The following PRSS23 variants were observed in gnomAD, a reference collection of about 807,000 sequenced individuals.
PRSS23 encodes serine protease 23, also known as protease, serine 23.
PRSS23 carries 25 observed loss-of-function variants against 34.7 expected under a neutral mutation model. That is an observed-to-expected ratio of 0.72 (90% CI 0.53 to 1.01). PRSS23 has a LOEUF of 1.01. PRSS23 is among the 50% of genes least tolerant of loss of function. PRSS23 has a pLI of 0.00. For synonymous variants in PRSS23, 176 were observed against 186.6 expected, an observed-to-expected ratio of 0.94 and a Z score of 0.46; for missense variants, 445 against 475.6, an observed-to-expected ratio of 0.94 and a Z score of 0.60.
chr11:86,832,357 G>T (rs905479830), intron 2 of PRSS23, among the ~76,000 whole-genome samples: 1 of 152,012 alleles, frequency 6.6e-6, no homozygotes, highest in East Asian at 1.9e-4. Flanking sequence ...ATCACAGTGG[G>T]TGTACTCCAT....
chr11:86,859,843 A>G (rs1948600508), intron 2 of PRSS23, among the ~76,000 whole-genome samples: 2 of 151,560 alleles, frequency 1.3e-5, no homozygotes, highest in South Asian at 4.2e-4. Flanking sequence ...TGGGGTGGAC[A>G]CCTCCAGTGT....
At chr11:86,884,489 G>A (rs556297403) in intron 2 of PRSS23, among the ~76,000 whole-genome samples, 4 of 152,016 alleles carry the variant, frequency 2.6e-5, no homozygotes, top group Admixed American at 6.6e-5. Flanking sequence ...TAGTAGAGAC[G>A]GGGTTTCTCC....
At position 86,916,364 on chromosome 11, in the gene PRSS23, T is replaced by C. The variant is rs540267589; in HGVS notation, c.207-34852T>C. ...GTTTTCATGTCACTGGTGTTACCCT[T>C]ATCAGTGTATTGTTCTTATTTGCTG... On this transcript the variant is annotated intron_variant, in intron 2 of 2. Coordinates refer to the PRSS23 transcript ENST00000533902. 3.5e-4 allele frequency among the ~76,000 whole-genome samples: 54 copies of C among 152,320 alleles called. No individual in the cohort carries two copies. In the South Asian group the frequency reaches 0.011, roughly 30 times the overall value.
intron 2 of PRSS23, among the ~76,000 whole-genome samples, chr11:86,929,134 C>A (rs1482206196): frequency 6.6e-6 from 1 of 152,000 alleles, no homozygotes; most frequent in South Asian, 2.1e-4. Context: ...CCAGCCTGAC[C>A]AACATGGAGA....
chr11:86,942,794 A>C (rs1368500114), intron 2 of PRSS23, among the ~76,000 whole-genome samples: 1 of 152,148 alleles, frequency 6.6e-6, no homozygotes, highest in African/African-American at 2.4e-5. Context: ...TTTTGAACTA[A>C]ACTTTTGCAG....
intron 2 of PRSS23, among the ~76,000 whole-genome samples, chr11:86,907,579 C>A (rs556657671): frequency 6.6e-6 from 1 of 152,200 alleles, no homozygotes; most frequent in East Asian, 1.9e-4. Flanking sequence ...CCCATCTTAG[C>A]CTCCCGAGTA....
intron 2 of PRSS23, among the ~76,000 whole-genome samples, chr11:86,828,237 A>G (rs1425320904): frequency 6.6e-6 from 1 of 152,050 alleles, no homozygotes; most frequent in Non-Finnish European, 1.5e-5. Flanking sequence ...TGATCCCTTT[A>G]CTATTACGTA....
chr11:86,885,210 TG>T (rs571684833), intron 2 of PRSS23, among the ~76,000 whole-genome samples: 50 of 152,228 alleles, frequency 3.3e-4, no homozygotes, highest in Non-Finnish European at 5.0e-4. Flanking sequence ...GACTCAAGAA[TG>T]TTACTGATTT....
chr11:86,832,635 C>T, intron 2 of PRSS23: 1 of 474,302 alleles, frequency 2.1e-6, no homozygotes, highest in South Asian at 1.6e-5. Context: ...ATCATTGAGG[C>T]CACTGCACCC....
intron 2 of PRSS23, among the ~76,000 whole-genome samples, chr11:86,894,440 A>C (rs1948861726): frequency 6.6e-6 from 1 of 152,194 alleles, no homozygotes; most frequent in Non-Finnish European, 1.5e-5. Flanking sequence ...TACTCAGGGC[A>C]CCCAAGAATC....
chr11:86,792,888 T>C (rs1318897810), intron 1 of PRSS23, among the ~76,000 whole-genome samples: 1 of 152,212 alleles, frequency 6.6e-6, no homozygotes, highest in East Asian at 1.9e-4. Context: ...CCATTCTTTT[T>C]TTGAGACAGG....
chr11:86,916,510 T>C (rs1373970609), intron 2 of PRSS23, among the ~76,000 whole-genome samples: 1 of 152,222 alleles, frequency 6.6e-6, no homozygotes, highest in Non-Finnish European at 1.5e-5. Context: ...TGGTTTTGTC[T>C]GGCTGGGTGT....
At chr11:86,812,624 C>A (rs1443385309), downstream of PRSS23, among the ~76,000 whole-genome samples, 1 of 151,074 alleles carries the variant, frequency 6.6e-6, no homozygotes, top group Non-Finnish European at 1.5e-5. Flanking sequence ...CCCGTCACTA[C>A]TAAAAATACA....
At chr11:86,905,034 G>T (rs891860574) in intron 2 of PRSS23, among the ~76,000 whole-genome samples, 1 of 151,984 alleles carries the variant, frequency 6.6e-6, no homozygotes, top group African/African-American at 2.4e-5. Context: ...TCAGTCTGGG[G>T]GACAGAGTTA....
At chr11:86,833,865 A>C (rs1353530411) in intron 2 of PRSS23, among the ~76,000 whole-genome samples, 1 of 151,814 alleles carries the variant, frequency 6.6e-6, no homozygotes, top group African/African-American at 2.4e-5. Flanking sequence ...CCGACTGACC[A>C]CTCTAACTGC....
chr11:86,808,374 A>T lies in PRSS23; in HGVS notation c.731A>T (p.Asp244Val). The T allele has an allele frequency of 6.2e-7, 1 of 1,614,212 alleles. No individual in the cohort carries two copies. Among genetic ancestry groups the T allele is most frequent in the Non-Finnish European group, 8.5e-7 (1 of 1,180,054 alleles). The change falls in exon 2 of 2, where the codon GAT becomes GTT. Residue 244 changes from aspartate (D) to valine (V), a missense_variant. Coordinates refer to ENST00000280258, the MANE Select transcript of PRSS23 (RefSeq NM_007173.6). Reference protein sequence around the residue: ...IKGNANDIGMDYDYALLELKK... With the variant: ...IKGNANDIGMVYDYALLELKK... The stretch of plus-strand genomic sequence containing the variant: ...GGCAATGCCAATGACATCGGCATGG[A>T]TTATGATTATGCCCTCCTGGAACTC...
At chr11:86,879,512 C>A (rs1353926902) in intron 2 of PRSS23, among the ~76,000 whole-genome samples, 1 of 123,882 alleles carries the variant, frequency 8.1e-6, no homozygotes, top group African/African-American at 3.0e-5. Flanking sequence ...GGATCAGCCC[C>A]CCACCCGGCC....
intron 2 of PRSS23, among the ~76,000 whole-genome samples, chr11:86,871,491 A>C (rs1948684009): frequency 6.6e-6 from 1 of 152,166 alleles, no homozygotes; most frequent in Non-Finnish European, 1.5e-5. Context: ...TGCTCTGTAC[A>C]GTATTCTCTT....
upstream of PRSS23, among the ~76,000 whole-genome samples, chr11:86,799,012 A>T (rs1948000746): frequency 6.6e-6 from 1 of 152,206 alleles, no homozygotes; most frequent in African/African-American, 2.4e-5. Context: ...CTATATATTA[A>T]TGTGACATTT....
Sources: gnomAD v4.1 joint callset for allele counts (sites outside exome capture counted in the v4.1 genomes callset) on GRCh38, gnomAD v4.1.1 for gene constraint, MANE v1.5 for transcripts, NCBI Gene and HGNC (gene_info 2026-07-23, HGNC 2026-07-21) for gene names.